PGM2: variants seen among roughly 807,000 people sequenced by gnomAD.
PGM2 encodes phosphopentomutase.
A neutral mutation model predicts 74.6 loss-of-function variants in PGM2; 57 were observed. The observed-to-expected ratio is 0.76, with a 90% CI of 0.62 to 0.95. The LOEUF (loss-of-function observed/expected upper bound fraction) is 0.95, where lower values mean the gene tolerates loss of function less well. PGM2 is among the 40% of genes least tolerant of loss of function. The probability of loss-of-function intolerance (pLI) is 0.00; values close to 1 mark genes in which losing one functional copy is unlikely to be tolerated. For missense variants in PGM2, 706 were observed against 741.9 expected, an observed-to-expected ratio of 0.95 and a Z score of 0.56; for synonymous variants, 273 against 260.7, an observed-to-expected ratio of 1.05 and a Z score of -0.46.
chr4:37,830,219 C>T (rs1317858939), intron 2 of PGM2, 88 bp downstream of exon 2: 3 of 979,832 alleles, frequency 3.1e-6, no homozygotes, highest in East Asian at 5.4e-5. Flanking sequence ...TAATTATAGA[C>T]ATGTCTTACC....
chr4:37,848,687 A>G, intron 11 of PGM2, 36 bp downstream of exon 11: 1 of 1,500,022 alleles, frequency 6.7e-7, no homozygotes, highest in Admixed American at 1.8e-5. Flanking sequence ...TTGAAATAAT[A>G]TTTTGAAATG....
intron 13 of PGM2, among the ~76,000 whole-genome samples, chr4:37,860,072 A>T (rs140525611): frequency 2.0e-5 from 3 of 152,208 alleles, no homozygotes; most frequent in Non-Finnish European, 4.4e-5. Flanking sequence ...TGCAATATCA[A>T]AAACATATCA....
intron 1 of PGM2, among the ~76,000 whole-genome samples, chr4:37,828,736 G>A (rs3775796): frequency 0.45 from 68,412 of 152,068 alleles, 17,409 homozygotes; most frequent in Non-Finnish European, 0.59. Flanking sequence ...AGGATCACTC[G>A]ATATTGAGTG....
At chr4:37,841,711 G>T (rs1277249482) in intron 6 of PGM2, among the ~76,000 whole-genome samples, 1 of 152,184 alleles carries the variant, frequency 6.6e-6, no homozygotes, top group African/African-American at 2.4e-5. Context: ...ATACGTCTGT[G>T]AACTTTCCCT....
chr4:37,831,256 A>C (rs1725435968), intron 2 of PGM2, among the ~76,000 whole-genome samples: 1 of 150,734 alleles, frequency 6.6e-6, no homozygotes, highest in Non-Finnish European at 1.5e-5. Context: ...TTATTAAGCA[A>C]TAGGGCTCCC....
At chr4:37,829,896 T>C (rs910335981) in intron 1 of PGM2, 68 bp from the exon 2 acceptor site, 2 of 814,586 alleles carry the variant, frequency 2.5e-6, no homozygotes, top group South Asian at 4.6e-5. Flanking sequence ...AGAATGATTG[T>C]GAATTTTTTT....
rs141684020 is a variant in PGM2 at position 37,847,292 on chromosome 4, A to G, written c.1279A>G (p.Ile427Val). The change falls in exon 10 of 14, where the codon ATT becomes GTT. Residue 427 changes from isoleucine to valine, a missense_variant. Physicochemically the swap from Ile to Val is conservative, Grantham distance 29. This residue lies in a region of PGM2 where 359 missense variants were observed against 371.1 expected (regional missense o/e 0.97). Transcript: ENST00000381967. ...TGTTTTATTTGCATTTGAAGAAGCT[A>G]TTGGTAAGAAGTGATCATGAACATT... ...KTVLFAFEEA[I>V]GYMCCPFVLD... 1.7e-5 allele frequency: 27 copies of G among 1,605,342 alleles called. No homozygotes were observed. The highest frequency in any genetic ancestry group is 2.0e-5 in the Non-Finnish European group (23 of 1,172,166).
At chr4:37,856,422 A>G (rs937232450) in intron 13 of PGM2, among the ~76,000 whole-genome samples, 5 of 152,054 alleles carry the variant, frequency 3.3e-5, no homozygotes, top group Non-Finnish European at 5.9e-5. Context: ...AATCCATTCC[A>G]CATGCATTCA....
chr4:37,840,239 TA>T lies in PGM2; in HGVS notation c.704del (p.Lys235SerfsTer8). ...SINNDYFEDL[K>X]KYCFHRSVNR... Reference sequence around the variant, plus strand: ...TCAATAATGACTACTTTGAAGACCTTAAAAAGTACTGTTTCCACAGGTAAAT... The same window carrying T: ...TCAATAATGACTACTTTGAAGACCTTAAAAGTACTGTTTCCACAGGTAAAT... On this transcript the variant is annotated frameshift_variant, in exon 6 of 14. Coordinates refer to ENST00000381967, the MANE Select transcript of PGM2 (RefSeq NM_018290.4). LOFTEE classifies it high-confidence loss of function. 6.2e-7 allele frequency: 1 copy of T among 1,606,280 alleles called. No homozygotes were observed.
chr4:37,852,245 C>T (rs998489133), intron 12 of PGM2, among the ~76,000 whole-genome samples: 16 of 146,272 alleles, frequency 1.1e-4, no homozygotes, highest in African/African-American at 3.5e-4. Flanking sequence ...GGATTACAGG[C>T]GTAAGCTACT....
At position 37,829,943 on chromosome 4, in the gene PGM2, C is replaced by G. The variant is rs758368706; in HGVS notation, c.82-21C>G. Reference sequence around the variant, plus strand: ...TTTTCATTCACTTGTCTGGCTGTGTCTATACATTTTTGTTTTTCAGAATTC... The same window carrying G: ...TTTTCATTCACTTGTCTGGCTGTGTGTATACATTTTTGTTTTTCAGAATTC... On this transcript the variant is annotated intron_variant, in intron 1 of 13. Coordinates refer to ENST00000381967, the MANE Select transcript of PGM2 (RefSeq NM_018290.4). 3.9e-6 allele frequency: 6 copies of G among 1,535,766 alleles called. No individual in the cohort carries two copies. In the African/African-American group the frequency reaches 8.3e-5, roughly 21 times the overall value.
At chr4:37,847,160 A>C in intron 9 of PGM2, 42 bp from the exon 10 acceptor site, 13 of 1,596,602 alleles carry the variant, frequency 8.1e-6, no homozygotes, top group Non-Finnish European at 1.1e-5. Flanking sequence ...TGCTCTGTAG[A>C]AGATCTAAGG....
chr4:37,828,790 A>G (rs1387148331), intron 1 of PGM2, among the ~76,000 whole-genome samples: 1 of 152,188 alleles, frequency 6.6e-6, no homozygotes, highest in African/African-American at 2.4e-5. Context: ...ACTAATATTT[A>G]TTGAGGCTCT....
chr4:37,847,363 C>CTCATGAACATT, intron 10 of PGM2, 68 bp downstream of exon 10: 1 of 1,137,778 alleles, frequency 8.8e-7, no homozygotes, highest in African/African-American at 1.5e-5. Context: ...GATTGGGATT[C>CTCATGAACATT]AAAGATCCAC....
In PGM2 at chr4:37,847,205, A is replaced by G; in HGVS notation, c.1192A>G (p.Thr398Ala). The change falls in exon 10 of 14, where the codon ACA becomes GCA. Residue 398 changes from threonine (T) to alanine (A), a missense_variant. By Grantham distance (58) the Thr-to-Ala change is moderately conservative. This residue lies in a region of PGM2 where 359 missense variants were observed against 371.1 expected (regional missense o/e 0.97). Transcript: ENST00000381967. ...CTCTTTTGGATTATCCCTTTAGGAA[A>G]CATTAACTGGCTTTAAGTGGATGGG... Reference protein sequence around the residue: ...ALKEGFHFEETLTGFKWMGNR... With the variant: ...ALKEGFHFEEALTGFKWMGNR... The G allele has an allele frequency of 6.2e-7, 1 of 1,613,218 alleles. No homozygotes were observed. The highest frequency in any genetic ancestry group is 8.5e-7 in the Non-Finnish European group (1 of 1,179,172).
intron 13 of PGM2, among the ~76,000 whole-genome samples, chr4:37,858,016 C>A (rs553386718): frequency 6.6e-6 from 1 of 152,010 alleles, no homozygotes; most frequent in East Asian, 1.9e-4. Flanking sequence ...TGTATCTTGT[C>A]CTTTCCTTTT....
intron 8 of PGM2, among the ~76,000 whole-genome samples, chr4:37,846,423 C>T (rs1289405443): frequency 6.6e-6 from 1 of 152,160 alleles, no homozygotes; most frequent in Admixed American, 6.5e-5. Flanking sequence ...AGATTTACTT[C>T]TAGCCATCTG....
At chr4:37,831,202 A>AAAAAAAG in intron 2 of PGM2, among the ~76,000 whole-genome samples, 1 of 151,204 alleles carries the variant, frequency 6.6e-6, no homozygotes, top group Non-Finnish European at 1.5e-5. Flanking sequence ...CAAAAAAAAA[A>AAAAAAAG]AAAAAAAAAA....
chr4:37,845,536 A>G, intron 7 of PGM2, 97 bp from the exon 8 acceptor site: 1 of 807,564 alleles, frequency 1.2e-6, no homozygotes, highest in Non-Finnish European at 2.1e-6. Flanking sequence ...TAAGAGGGGA[A>G]AGACCTCTTG....
Sources: allele counts gnomAD v4.1 joint callset (sites outside exome capture counted in the v4.1 genomes callset), GRCh38; gene constraint gnomAD v4.1.1; regional missense constraint gnomAD v4.1.1; transcripts MANE v1.5; gene names NCBI Gene and HGNC (gene_info 2026-07-23, HGNC 2026-07-21).